SMPDL3B: variants seen among roughly 807,000 people sequenced by gnomAD.
SMPDL3B encodes the protein acid sphingomyelinase-like phosphodiesterase 3b.
A neutral mutation model predicts 37.9 loss-of-function variants in SMPDL3B; 31 were observed. That is an observed-to-expected ratio of 0.82 (90% confidence interval 0.61 to 1.10). The LOEUF is 1.10. Among genes scored for constraint, SMPDL3B ranks in the 50% least tolerant of loss-of-function variants. The pLI, the probability that SMPDL3B is intolerant of heterozygous loss-of-function variation, is 0.00. For synonymous variants in SMPDL3B, 235 were observed against 242.6 expected (o/e 0.97, Z 0.29); for missense variants, 525 against 597.8 (o/e 0.88, Z 1.27).
At chr1:27,937,235 CT>C (rs2090317543) in intron 1 of SMPDL3B, among the ~76,000 whole-genome samples, 5 of 152,182 alleles carry the variant, frequency 3.3e-5, no homozygotes, top group Non-Finnish European at 5.9e-5. Flanking sequence ...GCTCCTTCTC[CT>C]CCTACACATG....
At chr1:27,949,564 T>C (rs1163715799) in intron 3 of SMPDL3B, among the ~76,000 whole-genome samples, 2 of 152,144 alleles carry the variant, frequency 1.3e-5, no homozygotes, top group Non-Finnish European at 2.9e-5. Flanking sequence ...CCAGGGCCTC[T>C]GGGAAATGCT....
intron 3 of SMPDL3B, 78 bp from the exon 4 acceptor site, chr1:27,953,137 C>T: frequency 8.8e-7 from 1 of 1,134,894 alleles, no homozygotes; most frequent in South Asian, 1.4e-5. Context: ...GCTCTGATGG[C>T]CAGTGGCCAA....
Position 27,945,567 on chromosome 1 carries a change from G to A in SMPDL3B, c.275+122G>A. ...CACATCAGTCTCACGTGAGGCTGAG[G>A]AACCTAAAGCTCAAAGGAATTTTGT... On this transcript the variant is annotated intron_variant, in intron 2 of 7. Transcript: ENST00000373894. This position sits in a 1 kb window ranked among gnomAD's most constrained non-coding sequence, Gnocchi z 4.0. 1.2e-6 allele frequency: 1 copy of A among 819,632 alleles called. No homozygotes were observed. The highest frequency in any genetic ancestry group is 2.7e-5 in the East Asian group (1 of 37,426). The allele number at this position is 819,632 out of a possible 1,614,324, so 50.8% of individuals were successfully genotyped here.
intron 3 of SMPDL3B, among the ~76,000 whole-genome samples, chr1:27,950,221 AC>A (rs2148678516): frequency 6.6e-6 from 1 of 152,302 alleles, no homozygotes; most frequent in Admixed American, 6.5e-5. Flanking sequence ...AACCCAGCCA[AC>A]CCAAGTCAGG....
chr1:27,947,573 G>T, intron 2 of SMPDL3B, among the ~76,000 whole-genome samples: 1 of 141,970 alleles, frequency 7.0e-6, no homozygotes, highest in Non-Finnish European at 1.5e-5. Flanking sequence ...AGCCGAAATT[G>T]CGCCACTGCA....
rs577451316 is a variant in SMPDL3B, at chr1:27,944,733, T to TA, written c.62-499_62-498insA. On this transcript the variant is annotated intron_variant, in intron 1 of 7. Coordinates refer to ENST00000373894, the MANE Select transcript of SMPDL3B (RefSeq NM_014474.4). ...TTCCATCCAGGTCAGACTTTTTTCT[T>TA]TTTTTTTTTTTTTAATTTTCCAAGA... 8.9e-5 allele frequency among the ~76,000 whole-genome samples: 12 copies of TA among 135,304 alleles called. No individual in the cohort carries two copies. In the East Asian group the frequency reaches 2.2e-3, roughly 25 times the overall value. 88.8% of individuals were successfully genotyped at this position (135,304 alleles called of 152,430 possible). A position where few individuals can be genotyped will look rare whatever the true frequency, so the allele number is the denominator to read the frequency against.
chr1:27,951,056 C>T (rs2090451876), intron 3 of SMPDL3B, among the ~76,000 whole-genome samples: 1 of 148,568 alleles, frequency 6.7e-6, no homozygotes, highest in African/African-American at 2.5e-5. Flanking sequence ...AGCCACCATG[C>T]CTGGCCTATT....
At position 27,958,566 on chromosome 1, in the gene SMPDL3B, G is replaced by A. The variant is rs1446481593; in HGVS notation, c.1096G>A (p.Gly366Arg). Residue 366 changes from glycine (G) to arginine (R), a missense_variant, in exon 8 of 8, where the codon GGG (glycine) becomes AGG (arginine). Transcript: ENST00000373894. The surrounding 1 kb of genome is among the most constrained non-coding windows in gnomAD (Gnocchi z 5.6). ...CGAGTACCAGCTGACCGAGGCCTAT[G>A]GGGTGCCGGACGCCAGCGCCCACTC... ...ELEYQLTEAY[G>R]VPDASAHSMH... 1.2e-6 allele frequency: 2 copies of A among 1,613,922 alleles called. No homozygotes were observed. Among genetic ancestry groups the A allele is most frequent in the Non-Finnish European group, 1.7e-6 (2 of 1,179,986 alleles).
In SMPDL3B at chr1:27,945,194, G is replaced by A. The variant is rs779424305; in HGVS notation, c.62-38G>A. 1 of 1,602,644 alleles carries A rather than the reference G, an allele frequency of 6.2e-7. No homozygotes were observed. The highest frequency in any genetic ancestry group is 1.3e-5 in the African/African-American group (1 of 74,826). ...ACTTCCTTGCTTCCAGGCTGAGAGA[G>A]AGACCAGCTTTGAAGGAGGATGTTT... On this transcript the variant is annotated intron_variant, in intron 1 of 7. Transcript: ENST00000373894. This position sits in a 1 kb window ranked among gnomAD's most constrained non-coding sequence, Gnocchi z 4.0.
chr1:27,935,676 G>C (rs1362367566), intron 1 of SMPDL3B, among the ~76,000 whole-genome samples: 4 of 152,190 alleles, frequency 2.6e-5, no homozygotes. Flanking sequence ...AACAAGTAAA[G>C]TACGCAGCAT....
At chr1:27,954,585 G>A (rs1319813798) in intron 5 of SMPDL3B, 59 bp downstream of exon 5, 58 of 1,544,868 alleles carry the variant, frequency 3.8e-5, no homozygotes, top group African/African-American at 5.4e-5. Flanking sequence ...CAAGTCTCCC[G>A]CTTGGCACAA....
intron 2 of SMPDL3B, among the ~76,000 whole-genome samples, chr1:27,946,078 G>C (rs1225761590): frequency 6.6e-6 from 1 of 152,194 alleles, no homozygotes; most frequent in Non-Finnish European, 1.5e-5. Context: ...TTCCGGCTGG[G>C]TATAGTGGCT....
intron 1 of SMPDL3B, chr1:27,942,430 C>A: frequency 2.2e-6 from 1 of 454,350 alleles, no homozygotes; most frequent in Non-Finnish European, 4.5e-6. Context: ...CACCAACTAA[C>A]TGGTATGAGG....
rs774753867 is a variant in SMPDL3B, at chr1:27,935,179, C to T, written c.-5C>T. 6.8e-6 allele frequency: 11 copies of T among 1,613,176 alleles called. No homozygotes were observed. The highest frequency in any genetic ancestry group is 1.6e-4 in the Middle Eastern group (1 of 6,078). Reference sequence around the variant, plus strand: ...CCCACGGCTCTGGGGAAGTGAGCCCCGAGGATGAGGCTGCTCGCCTGGCTG... The same window carrying T: ...CCCACGGCTCTGGGGAAGTGAGCCCTGAGGATGAGGCTGCTCGCCTGGCTG... On this transcript the variant is annotated 5_prime_UTR_variant, in exon 1 of 8. Coordinates refer to ENST00000373894, the MANE Select transcript of SMPDL3B (RefSeq NM_014474.4).
At chr1:27,954,827 C>A (rs1375157816) in intron 5 of SMPDL3B, among the ~76,000 whole-genome samples, 2 of 152,198 alleles carry the variant, frequency 1.3e-5, no homozygotes, top group Non-Finnish European at 2.9e-5. Flanking sequence ...TCCACTCCCA[C>A]CACATGCACA....
rs752315496 is a variant in SMPDL3B at position 27,935,248 on chromosome 1, C to T, written c.61+4C>T. On this transcript the variant is annotated splice_donor_region_variant and intron_variant, in intron 1 of 7. Coordinates refer to ENST00000373894, the MANE Select transcript of SMPDL3B (RefSeq NM_014474.4). ...GGAGGTGCCAGGGCTGAACCAGGTACAGCACTGGGAATGTCTGCTATGCCT... is the reference window on the plus strand; with the variant it reads ...GGAGGTGCCAGGGCTGAACCAGGTATAGCACTGGGAATGTCTGCTATGCCT... 1.2e-6 allele frequency: 2 copies of T among 1,609,694 alleles called. No homozygotes were observed. Among genetic ancestry groups the T allele is most frequent in the Non-Finnish European group, 1.7e-6 (2 of 1,176,020 alleles).
intron 1 of SMPDL3B, among the ~76,000 whole-genome samples, chr1:27,938,129 G>A (rs952822655): frequency 2.0e-5 from 3 of 152,186 alleles, no homozygotes; most frequent in Admixed American, 1.3e-4. Flanking sequence ...CAGTCATGGA[G>A]CTGTACATCA....
intron 3 of SMPDL3B, among the ~76,000 whole-genome samples, chr1:27,951,222 A>G (rs1184027915): frequency 6.6e-6 from 1 of 152,218 alleles, no homozygotes; most frequent in Non-Finnish European, 1.5e-5. Context: ...AATCTGACAC[A>G]GCGCTTTCTC....
intron 1 of SMPDL3B, chr1:27,936,542 G>A (rs2090309383): frequency 6.6e-6 from 1 of 152,136 alleles, no homozygotes; most frequent in South Asian, 2.1e-4. Context: ...TGCAGATGAG[G>A]CAAATGAGTC....
Sources: allele counts gnomAD v4.1 joint callset (sites outside exome capture counted in the v4.1 genomes callset), GRCh38; gene constraint gnomAD v4.1.1; non-coding constraint Gnocchi (gnomAD v3.1); transcripts MANE v1.5; gene names NCBI Gene and HGNC (gene_info 2026-07-23, HGNC 2026-07-21).